Variants in TMEM108 observed in about 807,000 individuals in gnomAD.
TMEM108 encodes cancer/testis antigen 124.
In TMEM108, 12 loss-of-function variants were observed where a neutral mutation model predicts 35.1. The observed-to-expected ratio is 0.34, with a 90% CI of 0.22 to 0.55. The LOEUF (loss-of-function observed/expected upper bound fraction) is 0.55. Among genes scored for constraint, TMEM108 ranks in the 20% least tolerant of loss-of-function variants. The pLI is 0.89. For synonymous variants in TMEM108, 287 were observed against 308.6 expected, an observed-to-expected ratio of 0.93 and a Z score of 0.73; for missense variants, 680 against 753.3, an observed-to-expected ratio of 0.90 and a Z score of 1.14.
intron 3 of TMEM108, among the ~76,000 whole-genome samples, chr3:133,235,057 A>G (rs1946213492): frequency 1.3e-5 from 2 of 152,094 alleles, no homozygotes; most frequent in South Asian, 4.1e-4. Context: ...GATGTGAAGG[A>G]CCTCTTCAAG....
At chr3:133,084,248 C>T (rs1943852362) in intron 2 of TMEM108, among the ~76,000 whole-genome samples, 1 of 152,202 alleles carries the variant, frequency 6.6e-6, no homozygotes, top group Non-Finnish European at 1.5e-5. Context: ...ACTTGCCTAT[C>T]TGAATCATGA....
At chr3:133,240,031 A>G (rs11714849) in intron 3 of TMEM108, among the ~76,000 whole-genome samples, 6,794 of 152,276 alleles carry the variant, frequency 0.045, 192 homozygotes, top group Non-Finnish European at 0.065. Context: ...AAGCAAAAGG[A>G]AAACACCTTT....
intron 2 of TMEM108, among the ~76,000 whole-genome samples, chr3:133,121,249 G>A (rs1472342074): frequency 6.6e-6 from 1 of 152,204 alleles, no homozygotes; most frequent in Non-Finnish European, 1.5e-5. Context: ...TGGAATCATG[G>A]GGACCTGAAG....
intron 2 of TMEM108, among the ~76,000 whole-genome samples, chr3:133,170,702 A>G (rs1353505108): frequency 6.6e-6 from 1 of 152,192 alleles, no homozygotes; most frequent in African/African-American, 2.4e-5. Context: ...GTTAAAATAC[A>G]CTGCTTTTTT....
chr3:133,188,027 C>A (rs1945447009), intron 2 of TMEM108, among the ~76,000 whole-genome samples: 1 of 152,050 alleles, frequency 6.6e-6, no homozygotes, highest in African/African-American at 2.4e-5. Context: ...AAGATGAGAA[C>A]CATAGCTAGT....
chr3:133,351,699 C>G (rs941857240), intron 3 of TMEM108, among the ~76,000 whole-genome samples: 2 of 152,152 alleles, frequency 1.3e-5, no homozygotes, highest in Non-Finnish European at 2.9e-5. Context: ...TCATAAGCCT[C>G]TATTTCATGG....
chr3:133,042,236 G>A (rs1943284565), intron 1 of TMEM108, among the ~76,000 whole-genome samples: 1 of 152,140 alleles, frequency 6.6e-6, no homozygotes, highest in African/African-American at 2.4e-5. Flanking sequence ...CTACCTCTAG[G>A]TGCAATTACC....
In TMEM108 at chr3:133,215,850, G is replaced by A. The variant is rs1354809033; in HGVS notation, c.-46-13416G>A. On this transcript the variant is annotated intron_variant, in intron 2 of 5. Coordinates refer to ENST00000321871, the MANE Select transcript of TMEM108 (RefSeq NM_023943.4). ...AGTTGCGGTATGGTGTTTGGAATGA[G>A]TATAGTTTTACCATTTTCCATATTG... Among the ~76,000 whole-genome samples the A allele has an allele frequency of 3.3e-5, 5 of 152,144 alleles. No homozygotes were observed. The East Asian group carries it at 9.7e-4, about 29-fold the overall frequency.
At chr3:133,117,524 G>A (rs1448892488) in intron 2 of TMEM108, among the ~76,000 whole-genome samples, 2 of 152,180 alleles carry the variant, frequency 1.3e-5, no homozygotes, top group African/African-American at 4.8e-5. Context: ...ATTAGGAGCT[G>A]AAAATTAGAG....
rs199967106 is a variant in TMEM108, at chr3:133,380,187, G to A, written c.476G>A (p.Arg159His). 1.4e-5 allele frequency: 22 copies of A among 1,610,152 alleles called. No homozygotes were observed. Among genetic ancestry groups the A allele is most frequent in the Middle Eastern group, 1.7e-4 (1 of 6,050 alleles). ...AGCCGCCCCACCACAGCGCCCCCCC[G>A]CACTACCACACGCAGGCCCCCCAGG... is the stretch of plus-strand genomic sequence containing the variant. ...ATSRPTTAPP[R>H]TTTRRPPRPP... Residue 159 changes from arginine to histidine, a missense_variant, in exon 4 of 6, where the codon CGC becomes CAC. Around this residue, in one of 3 missense-constraint regions of TMEM108, gnomAD observed 526 missense variants for 532.1 expected, o/e 0.99. Coordinates refer to ENST00000321871, the MANE Select transcript of TMEM108 (RefSeq NM_023943.4). This position sits in a 1 kb window ranked among gnomAD's most constrained non-coding sequence, Gnocchi z 5.3.
intron 2 of TMEM108, among the ~76,000 whole-genome samples, chr3:133,157,879 T>A (rs926047529): frequency 6.6e-6 from 1 of 152,152 alleles, no homozygotes; most frequent in Non-Finnish European, 1.5e-5. Flanking sequence ...GGATAACAAT[T>A]AGCTGAGTGT....
intron 2 of TMEM108, among the ~76,000 whole-genome samples, chr3:133,150,434 G>A (rs1260534778): frequency 7.1e-6 from 1 of 140,180 alleles, no homozygotes; most frequent in African/African-American, 2.7e-5. Flanking sequence ...AGATATAATA[G>A]CAAATATTTT....
chr3:133,278,531 C>A (rs1053061739), intron 3 of TMEM108, among the ~76,000 whole-genome samples: 2 of 152,186 alleles, frequency 1.3e-5, no homozygotes, highest in African/African-American at 4.8e-5. Context: ...ATACTACACA[C>A]CTACGCTCTA....
chr3:133,317,202 G>A (rs897163683), intron 3 of TMEM108, among the ~76,000 whole-genome samples: 5 of 152,094 alleles, frequency 3.3e-5, no homozygotes, highest in African/African-American at 7.2e-5. Flanking sequence ...TGATACGGAC[G>A]TTGAAAGGGA....
At chr3:133,099,343 C>T (rs1407042560) in intron 2 of TMEM108, among the ~76,000 whole-genome samples, 2 of 152,180 alleles carry the variant, frequency 1.3e-5, no homozygotes, top group African/African-American at 4.8e-5. Context: ...CCACTTTTTC[C>T]TCCTGGGCTT....
At chr3:133,054,209 G>A (rs1373848069) in intron 2 of TMEM108, among the ~76,000 whole-genome samples, 1 of 152,170 alleles carries the variant, frequency 6.6e-6, no homozygotes, top group Non-Finnish European at 1.5e-5. Flanking sequence ...ACAAAGAACT[G>A]GAAGATTATT....
At chr3:133,219,981 G>A (rs1945964327) in intron 2 of TMEM108, among the ~76,000 whole-genome samples, 1 of 151,524 alleles carries the variant, frequency 6.6e-6, no homozygotes, top group Admixed American at 6.6e-5. Flanking sequence ...TTTTATGTAT[G>A]TAGGTGCTCC....
intron 3 of TMEM108, among the ~76,000 whole-genome samples, chr3:133,335,619 A>G (rs2071478988): frequency 2.0e-5 from 3 of 152,232 alleles, no homozygotes; most frequent in Non-Finnish European, 2.9e-5. Context: ...TGATAAAGAA[A>G]ATGTGGTATA....
intron 2 of TMEM108, among the ~76,000 whole-genome samples, chr3:133,204,810 G>A (rs527533113): frequency 3.6e-4 from 55 of 152,208 alleles, no homozygotes; most frequent in African/African-American, 1.2e-3. Context: ...GTAGATGTCT[G>A]TTAGGTCCAC....
Sources: gnomAD v4.1 joint callset for allele counts (sites outside exome capture counted in the v4.1 genomes callset) on GRCh38, gnomAD v4.1.1 for gene constraint, gnomAD v4.1.1 regional missense constraint, Gnocchi (gnomAD v3.1) non-coding constraint, MANE v1.5 for transcripts, NCBI Gene and HGNC (gene_info 2026-07-23, HGNC 2026-07-21) for gene names.